LAMC3: variants seen among roughly 807,000 people sequenced by gnomAD.
LAMC3 encodes the protein laminin subunit gamma-3.
LAMC3 carries 128 observed loss-of-function variants against 173.8 expected under a neutral mutation model. That is an observed-to-expected ratio of 0.74 (90% confidence interval 0.64 to 0.85). LAMC3 has a LOEUF of 0.85. Among genes scored for constraint, LAMC3 ranks in the 40% least tolerant of loss-of-function variants. LAMC3 has a pLI of 0.00. For synonymous variants in LAMC3, 897 were observed against 909.1 expected, an observed-to-expected ratio of 0.99 and a Z score of 0.24; for missense variants, 2,022 against 2,156.0, an observed-to-expected ratio of 0.94 and a Z score of 1.23.
At chr9:131,041,104 T>C (rs867625300) in intron 6 of LAMC3, among the ~76,000 whole-genome samples, 1 of 152,016 alleles carries the variant, frequency 6.6e-6, no homozygotes, top group Non-Finnish European at 1.5e-5. Context: ...CGGTGGCTCA[T>C]GTATGTAATC....
intron 1 of LAMC3, among the ~76,000 whole-genome samples, chr9:131,015,482 CAT>C: frequency 6.6e-6 from 1 of 152,248 alleles, no homozygotes; most frequent in East Asian, 1.9e-4. Flanking sequence ...TTATTTGAAT[CAT>C]AGTCGACATC....
intron 1 of LAMC3, among the ~76,000 whole-genome samples, chr9:131,013,374 T>C (rs375392759): frequency 2.0e-5 from 3 of 152,124 alleles, no homozygotes; most frequent in East Asian, 1.9e-4. Context: ...GAGAATCTCC[T>C]GGAACCACAA....
At chr9:131,077,524 A>G (rs1170246409) in intron 22 of LAMC3, among the ~76,000 whole-genome samples, 190 bp downstream of exon 22, 1 of 151,788 alleles carries the variant, frequency 6.6e-6, no homozygotes, top group Non-Finnish European at 1.5e-5. Flanking sequence ...TAAAAATACA[A>G]AAATTAGCCA....
chr9:131,069,762 G>A lies in LAMC3; in HGVS notation c.2981G>A (p.Cys994Tyr), dbSNP rs1339141035. The A allele has an allele frequency of 7.5e-6, 12 of 1,597,574 alleles. No homozygotes were observed. The highest frequency in any genetic ancestry group is 1.3e-5 in the African/African-American group (1 of 74,710). ...VCRPGFEGYK[C>Y]DRCHDNFFLT... is the part of the protein sequence containing the mutation. ...AGGCCTGGCTTCGAGGGCTACAAAT[G>A]TGACCGCTGCCACGACAACTTCTTC... Residue 994 changes from cysteine to tyrosine, a missense_variant, in exon 17 of 28, where the codon TGT becomes TAT. Transcript: ENST00000361069.
At chr9:131,083,683 T>C (rs2133346824) in intron 24 of LAMC3, among the ~76,000 whole-genome samples, 1 of 152,294 alleles carries the variant, frequency 6.6e-6, no homozygotes, top group South Asian at 2.1e-4. Flanking sequence ...CCCTAACGTT[T>C]GTTAACACCG....
intron 13 of LAMC3, among the ~76,000 whole-genome samples, chr9:131,064,718 A>G (rs1452139703): frequency 6.6e-6 from 1 of 150,942 alleles, no homozygotes; most frequent in Non-Finnish European, 1.5e-5. Context: ...GAGCAGTGTA[A>G]AAATGTCAAG....
At chr9:131,061,362 A>C in intron 13 of LAMC3, 139 bp downstream of exon 13, 1 of 703,910 alleles carries the variant, frequency 1.4e-6, no homozygotes, top group Non-Finnish European at 2.4e-6. Flanking sequence ...GGCAGCAGGC[A>C]TGACCTCTGA....
chr9:131,038,960 A>G lies in LAMC3; in HGVS notation c.1073A>G (p.His358Arg). The change falls in exon 5 of 28, where the codon CAC (histidine) becomes CGC (arginine). Residue 358 changes from histidine to arginine, a missense_variant. By Grantham distance (29) the His-to-Arg change is conservative. Transcript: ENST00000361069. The stretch of plus-strand genomic sequence containing the variant: ...GGGCGCTGTCACCACTGCCGTGACC[A>G]CACAGCTGGGCCACACTGTGAGCGC... Reference protein sequence around the residue: ...HGGRCHHCRDHTAGPHCERCQ... With the variant: ...HGGRCHHCRDRTAGPHCERCQ... The G allele has an allele frequency of 6.2e-7, 1 of 1,613,394 alleles. No individual in the cohort carries two copies. The highest frequency in any genetic ancestry group is 8.5e-7 in the Non-Finnish European group (1 of 1,179,938).
intron 2 of LAMC3, among the ~76,000 whole-genome samples, chr9:131,028,649 G>A (rs1833772160): frequency 6.6e-6 from 1 of 152,120 alleles, no homozygotes; most frequent in Non-Finnish European, 1.5e-5. Context: ...AAAGGCTACC[G>A]GCTCACATCA....
chr9:131,090,370 T>C (rs1357426757), intron 27 of LAMC3, among the ~76,000 whole-genome samples: 1 of 152,240 alleles, frequency 6.6e-6, no homozygotes, highest in African/African-American at 2.4e-5. Flanking sequence ...CTAGGCAGCC[T>C]GGGCAGGTAG....
chr9:131,085,977 C>T, intron 25 of LAMC3: 2 of 555,646 alleles, frequency 3.6e-6, no homozygotes, highest in Non-Finnish European at 6.4e-6. Context: ...GGACTTACAC[C>T]TGGGTCTGCT....
At chr9:131,045,714 G>C in intron 8 of LAMC3, 54 bp downstream of exon 8, 1 of 1,600,520 alleles carries the variant, frequency 6.2e-7, no homozygotes, top group Non-Finnish European at 8.5e-7. Flanking sequence ...AGCCTAGGCA[G>C]GTGATCCTGC....
At chr9:131,032,468 C>T (rs1833843819) in intron 3 of LAMC3, among the ~76,000 whole-genome samples, 3 of 151,436 alleles carry the variant, frequency 2.0e-5, no homozygotes, top group African/African-American at 7.3e-5. Flanking sequence ...CCTCCCTTCG[C>T]TCTCGCTCTC....
At chr9:131,017,895 G>T (rs1024978381) in intron 1 of LAMC3, among the ~76,000 whole-genome samples, 1 of 151,452 alleles carries the variant, frequency 6.6e-6, no homozygotes, top group Non-Finnish European at 1.5e-5. Context: ...GTGTGGTGGC[G>T]TGTGCCTGTA....
intron 2 of LAMC3, among the ~76,000 whole-genome samples, chr9:131,030,544 C>T (rs1333231982): frequency 2.0e-5 from 3 of 152,198 alleles, no homozygotes; most frequent in African/African-American, 7.2e-5. Context: ...CTCTGCCATG[C>T]ACTGGCTGTG....
At chr9:131,046,850 G>C (rs1483345623) in intron 8 of LAMC3, among the ~76,000 whole-genome samples, 1 of 150,744 alleles carries the variant, frequency 6.6e-6, no homozygotes, top group Non-Finnish European at 1.5e-5. Flanking sequence ...GGCATCAGCT[G>C]AAACAGAAGA....
intron 12 of LAMC3, among the ~76,000 whole-genome samples, chr9:131,059,176 A>G (rs1482871376): frequency 6.6e-6 from 1 of 150,822 alleles, no homozygotes; most frequent in African/African-American, 2.4e-5. Context: ...GGCCTGGGCG[A>G]CAGAGTAAGA....
intron 6 of LAMC3, 61 bp downstream of exon 6, chr9:131,039,309 A>G: frequency 7.1e-7 from 1 of 1,406,482 alleles, no homozygotes. Flanking sequence ...AGCAGGAGGA[A>G]CAGGCTGTCA....
In LAMC3 at chr9:131,079,162, G is replaced by A. The variant is rs778920875; in HGVS notation, c.3791G>A (p.Arg1264Gln). ...GTCTCCCTGCAGCCTCAGAAGTCCC[G>A]GGCTGAAGACCTGGGCCTGAAGGCG... ...ASPGALPQKS[R>Q]AEDLGLKAKA... The change falls in exon 23 of 28, where the codon CGG (arginine) becomes CAG (glutamine). Residue 1264 changes from arginine to glutamine, a missense_variant. Physicochemically the swap from Arg to Gln is conservative, Grantham distance 43. Coordinates refer to ENST00000361069, the MANE Select transcript of LAMC3 (RefSeq NM_006059.4). 1.8e-5 allele frequency: 29 copies of A among 1,613,468 alleles called. No individual in the cohort carries two copies. The Admixed American group carries it at 2.2e-4, about 12-fold the overall frequency.
Sources: allele counts gnomAD v4.1 joint callset (sites outside exome capture counted in the v4.1 genomes callset), GRCh38; gene constraint gnomAD v4.1.1; transcripts MANE v1.5; gene names NCBI Gene and HGNC (gene_info 2026-07-23, HGNC 2026-07-21).